Variants in RSPO2 observed in about 807,000 individuals in gnomAD.
RSPO2 encodes the protein R-spondin 2.
Under a neutral mutation model 30.9 loss-of-function variants are expected in RSPO2, and 14 were observed. The ratio of observed to expected loss-of-function variants is 0.45; its 90% CI spans 0.30 to 0.71. The LOEUF is 0.71. RSPO2 is among the 30% of genes least tolerant of loss of function. The probability of loss-of-function intolerance (pLI) is 0.08; values close to 1 mark genes in which losing one functional copy is unlikely to be tolerated. For missense variants in RSPO2, 264 were observed against 301.9 expected, an observed-to-expected ratio of 0.87 and a Z score of 0.93; for synonymous variants, 107 against 96.4, an observed-to-expected ratio of 1.11 and a Z score of -0.64.
chr8:107,961,164 GT>G (rs1164336601), intron 3 of RSPO2, among the ~76,000 whole-genome samples: 2 of 152,162 alleles, frequency 1.3e-5, no homozygotes, highest in African/African-American at 4.8e-5. Flanking sequence ...ATTGAAATCT[GT>G]CCTGCCCTCA....
chr8:107,902,599 T>C (rs1811513012), intron 5 of RSPO2, among the ~76,000 whole-genome samples: 1 of 152,002 alleles, frequency 6.6e-6, no homozygotes, highest in Non-Finnish European at 1.5e-5. Flanking sequence ...AGGAAGGCCA[T>C]GAGATTTCTA....
chr8:108,011,394 T>C (rs964207394), intron 2 of RSPO2, among the ~76,000 whole-genome samples: 2 of 152,186 alleles, frequency 1.3e-5, no homozygotes, highest in African/African-American at 4.8e-5. Context: ...CAGTGATTAC[T>C]ACAAGGTAGT....
chr8:108,003,712 A>C (rs2130567401), intron 2 of RSPO2, among the ~76,000 whole-genome samples: 1 of 152,276 alleles, frequency 6.6e-6, no homozygotes, highest in Middle Eastern at 3.4e-3. Flanking sequence ...GCTACAGGAC[A>C]GATTGCAGGC....
At chr8:107,963,554 A>C (rs1813701296) in intron 3 of RSPO2, among the ~76,000 whole-genome samples, 5 of 134,220 alleles carry the variant, frequency 3.7e-5, no homozygotes, top group Admixed American at 7.7e-5. Context: ...AAAAAAAGGC[A>C]GGTTGCAAGA....
chr8:107,957,068 C>T (rs1813455819), intron 5 of RSPO2, among the ~76,000 whole-genome samples: 1 of 152,132 alleles, frequency 6.6e-6, no homozygotes, highest in Non-Finnish European at 1.5e-5. Context: ...CTGGAGTCTT[C>T]GAGTCTTAAA....
At chr8:107,934,553 G>A (rs1342125967) in intron 5 of RSPO2, among the ~76,000 whole-genome samples, 2 of 151,904 alleles carry the variant, frequency 1.3e-5, no homozygotes, top group Non-Finnish European at 2.9e-5. Flanking sequence ...TGTATTTTTA[G>A]TAGAGACAGG....
intron 2 of RSPO2, among the ~76,000 whole-genome samples, chr8:107,997,894 CTT>C (rs1305670502): frequency 6.6e-6 from 1 of 152,116 alleles, no homozygotes; most frequent in African/African-American, 2.4e-5. Flanking sequence ...ATACTCCTGA[CTT>C]TTAAAAAAAT....
chr8:108,049,311 T>G (rs1812006081), intron 2 of RSPO2, among the ~76,000 whole-genome samples: 1 of 152,078 alleles, frequency 6.6e-6, no homozygotes, highest in South Asian at 2.1e-4. Context: ...TTCATCTACC[T>G]GGAATCTTAG....
At chr8:108,043,109 A>T (rs1811805695) in intron 2 of RSPO2, among the ~76,000 whole-genome samples, 1 of 152,180 alleles carries the variant, frequency 6.6e-6, no homozygotes, top group South Asian at 2.1e-4. Flanking sequence ...TGAAACTGCA[A>T]ACAGCCTCAG....
At chr8:107,950,915 C>T (rs76328120) in intron 5 of RSPO2, among the ~76,000 whole-genome samples, 462 of 152,186 alleles carry the variant, frequency 3.0e-3, no homozygotes, top group African/African-American at 0.01. Context: ...TCTACACATA[C>T]AGCTCTAGGT....
chr8:107,951,695 A>G (rs1489212492), intron 5 of RSPO2, among the ~76,000 whole-genome samples: 1 of 152,138 alleles, frequency 6.6e-6, no homozygotes, highest in Non-Finnish European at 1.5e-5. Context: ...TGTAGAGAAC[A>G]GCACAAAGGT....
intron 3 of RSPO2, among the ~76,000 whole-genome samples, chr8:107,973,348 T>TAAA (rs1814074016): frequency 6.6e-6 from 1 of 152,124 alleles, no homozygotes; most frequent in Non-Finnish European, 1.5e-5. Context: ...CATAACGGTT[T>TAAA]TGTCAGTTTT....
At chr8:107,944,647 A>C (rs905584070) in intron 5 of RSPO2, among the ~76,000 whole-genome samples, 2 of 152,184 alleles carry the variant, frequency 1.3e-5, no homozygotes, top group African/African-American at 4.8e-5. Context: ...CATATGGGAG[A>C]AAGTGCTCTA....
At chr8:108,003,316 T>A (rs1371859323) in intron 2 of RSPO2, among the ~76,000 whole-genome samples, 7,574 of 27,712 alleles carry the variant, frequency 0.27, 49 homozygotes, top group Non-Finnish European at 0.33. Flanking sequence ...TATATATTTT[T>A]TTTTTTTTTT....
intron 2 of RSPO2, among the ~76,000 whole-genome samples, chr8:108,071,486 C>T (rs558370954): frequency 1.3e-4 from 20 of 152,234 alleles, no homozygotes; most frequent in African/African-American, 4.8e-4. Flanking sequence ...AGTTTCTTGA[C>T]CCTAACAAAG....
At chr8:107,931,357 C>T (rs1477413193) in intron 5 of RSPO2, among the ~76,000 whole-genome samples, 4 of 152,088 alleles carry the variant, frequency 2.6e-5, no homozygotes, top group Non-Finnish European at 4.4e-5. Flanking sequence ...CCAGTAAAGC[C>T]CTTGGTAATT....
chr8:108,008,788 A>G (rs1258298392), intron 2 of RSPO2, among the ~76,000 whole-genome samples: 1 of 84,112 alleles, frequency 1.2e-5, no homozygotes, highest in East Asian at 2.5e-4. Flanking sequence ...CATAAACTGC[A>G]AAAAAAAAAA....
Position 107,900,117 on chromosome 8 carries a change from A to C in RSPO2, c.*958T>G, listed in dbSNP as rs143342207. Reference sequence around the variant, plus strand: ...TACAAGTGACTGGATATAGTCCCTCATGTTTTCAGTTGTGTTTCATCAAAG... The same window carrying C: ...TACAAGTGACTGGATATAGTCCCTCCTGTTTTCAGTTGTGTTTCATCAAAG... On this transcript the variant is annotated 3_prime_UTR_variant, in exon 6 of 6. Transcript: ENST00000276659. 6.6e-6 allele frequency: 1 copy of C among 152,308 alleles called. No individual in the cohort carries two copies. Among genetic ancestry groups the C allele is most frequent in the East Asian group, 1.9e-4 (1 of 5,182 alleles). The allele number at this position is 152,308 out of a possible 1,614,324, so 9.4% of individuals were successfully genotyped here.
At chr8:107,994,707 A>T (rs1814955676) in intron 2 of RSPO2, among the ~76,000 whole-genome samples, 1 of 152,172 alleles carries the variant, frequency 6.6e-6, no homozygotes, top group Non-Finnish European at 1.5e-5. Flanking sequence ...ACTTCATTTT[A>T]TCGAGTTAAC....
Sources: allele counts gnomAD v4.1 joint callset (sites outside exome capture counted in the v4.1 genomes callset), GRCh38; gene constraint gnomAD v4.1.1; transcripts MANE v1.5; gene names NCBI Gene and HGNC (gene_info 2026-07-23, HGNC 2026-07-21).